Variants in BICRA observed in about 807,000 individuals in gnomAD.
The protein encoded by BICRA is BRD4 interacting chromatin remodeling complex associated protein, also known as BRD4-interacting chromatin-remodeling complex-associated protein.
BICRA carries 31 observed loss-of-function variants against 96.9 expected under a neutral mutation model. That is an observed-to-expected ratio of 0.32 (90% CI 0.24 to 0.43). BICRA has a LOEUF of 0.43. Among genes scored for constraint, BICRA ranks in the 20% least tolerant of loss-of-function variants. The probability of loss-of-function intolerance (pLI) is 1.00; values close to 1 mark genes in which losing one functional copy is unlikely to be tolerated. For synonymous variants in BICRA, 1,350 were observed against 1,071.8 expected (o/e 1.26, Z -5.07); for missense variants, 2,283 against 2,190.3 (o/e 1.04, Z -0.84).
Position 47,680,985 on chromosome 19 carries a change from G to A in BICRA, c.1815G>A (p.Pro605=). The A allele has an allele frequency of 3.4e-6, 5 of 1,463,842 alleles. No homozygotes were observed. Among genetic ancestry groups the A allele is most frequent in the South Asian group, 1.3e-5 (1 of 75,652 alleles). 90.7% of individuals were successfully genotyped at this position (1,463,842 alleles called of 1,614,324 possible). A position where few individuals can be genotyped will look rare whatever the true frequency, so the allele number is the denominator to read the frequency against. ...MLNTPDGLVQ[P]ATPAAATGEA... ...ACACCCCCGACGGCCTGGTGCAGCC[G>A]GCCACCCCTGCCGCTGCCACCGGGG... Residue 605 remains proline, a synonymous_variant, in exon 6 of 15, where the codon CCG becomes CCA. Coordinates refer to ENST00000594866, the MANE Select transcript of BICRA (RefSeq NM_001394372.1).
intron 1 of BICRA, among the ~76,000 whole-genome samples, chr19:47,647,184 C>A (rs886238352): frequency 6.6e-6 from 1 of 152,070 alleles, no homozygotes; most frequent in Non-Finnish European, 1.5e-5. Flanking sequence ...TTTATCCGTT[C>A]AGTTGGTGGA....
Position 47,698,143 on chromosome 19 carries a change from C to T in BICRA, c.3249-491C>T, listed in dbSNP as rs1311536289. Among the ~76,000 whole-genome samples, 1 of 152,148 alleles carries T rather than the reference C, an allele frequency of 6.6e-6. No homozygotes were observed. The highest frequency in any genetic ancestry group is 1.5e-5 in the Non-Finnish European group (1 of 68,028). ...TTAGCCGAGGGTGGAGTTGGGCCTG[C>T]CTGGTGGGGGAGACAGTCACACTGC... On this transcript the variant is annotated intron_variant, in intron 11 of 14. Coordinates refer to ENST00000594866, the MANE Select transcript of BICRA (RefSeq NM_001394372.1). This position sits in a 1 kb window ranked among gnomAD's most constrained non-coding sequence, Gnocchi z 4.8.
At chr19:47,615,306 T>C (rs1244470284) in intron 1 of BICRA, among the ~76,000 whole-genome samples, 1 of 152,146 alleles carries the variant, frequency 6.6e-6, no homozygotes, top group African/African-American at 2.4e-5. Context: ...TTGAAGAAAG[T>C]TGTTCTCTTT....
At chr19:47,615,882 C>G (rs912871393) in intron 1 of BICRA, 1 of 152,220 alleles carries the variant, frequency 6.6e-6, no homozygotes, top group Admixed American at 6.5e-5. Flanking sequence ...CTGAACGAAG[C>G]AATGTTCTGC....
chr19:47,609,715 C>T (rs1471374371), intron 1 of BICRA, among the ~76,000 whole-genome samples: 1 of 151,886 alleles, frequency 6.6e-6, no homozygotes, highest in Admixed American at 6.6e-5. Flanking sequence ...AGGCGGAGAG[C>T]CTGCATCTCC....
At chr19:47,670,975 TC>T (rs1568565219) in intron 2 of BICRA, among the ~76,000 whole-genome samples, 1 of 151,866 alleles carries the variant, frequency 6.6e-6, no homozygotes, top group Non-Finnish European at 1.5e-5. Context: ...CCGGGGACAC[TC>T]CCCACAGCCA....
chr19:47,702,464 A>C lies in BICRA; in HGVS notation c.*49A>C, dbSNP rs1406926118. On this transcript the variant is annotated 3_prime_UTR_variant, in exon 15 of 15. Transcript: ENST00000594866. Reference sequence around the variant, plus strand: ...GTCCCCTCCTCCCGAAGACGCCGGGACAGTCGGGTGTCCGCCCTCAGCCTC... The same window carrying C: ...GTCCCCTCCTCCCGAAGACGCCGGGCCAGTCGGGTGTCCGCCCTCAGCCTC... 1 of 1,426,048 alleles carries C rather than the reference A, an allele frequency of 7.0e-7. No individual in the cohort carries two copies. Among genetic ancestry groups the C allele is most frequent in the Admixed American group, 3.4e-5 (1 of 29,602 alleles). The allele number at this position is 1,426,048 out of a possible 1,614,324, so 88.3% of individuals were successfully genotyped here. A position where few individuals can be genotyped will look rare whatever the true frequency, so the allele number is the denominator to read the frequency against.
intron 1 of BICRA, among the ~76,000 whole-genome samples, chr19:47,668,095 T>C (rs1599836512): frequency 6.6e-6 from 1 of 152,132 alleles, no homozygotes; most frequent in African/African-American, 2.4e-5. Context: ...CTGGGCGTGG[T>C]GGTGCATGCC....
intron 1 of BICRA, among the ~76,000 whole-genome samples, chr19:47,622,463 G>A (rs1185935417): frequency 6.7e-6 from 1 of 149,988 alleles, no homozygotes; most frequent in East Asian, 2.1e-4. Flanking sequence ...GGTGGCTCAC[G>A]CCTGTAATCC....
Position 47,684,031 on chromosome 19 carries a change from C to T in BICRA, c.2283+1879C>T, listed in dbSNP as rs141595490. On this transcript the variant is annotated intron_variant, in intron 7 of 14. Coordinates refer to ENST00000594866, the MANE Select transcript of BICRA (RefSeq NM_001394372.1). ...TCGAACGGCCATGGTTTCACTTGCA[C>T]GCTCTCCCACTTACCATTTAACCTT... is the stretch of plus-strand genomic sequence containing the variant. Among the ~76,000 whole-genome samples the T allele has an allele frequency of 4.8e-4, 73 of 152,324 alleles. No individual in the cohort carries two copies. In the South Asian group the frequency reaches 7.5e-3, roughly 16 times the overall value.
Position 47,680,139 on chromosome 19 carries a change from G to T in BICRA, c.969G>T (p.Gln323His), listed in dbSNP as rs1353169855. 1 of 1,524,354 alleles carries T rather than the reference G, an allele frequency of 6.6e-7. No homozygotes were observed. The highest frequency in any genetic ancestry group is 2.1e-5 in the Admixed American group (1 of 47,622). 94.4% of individuals were successfully genotyped at this position (1,524,354 alleles called of 1,614,324 possible). The part of the protein sequence containing the change: ...ASAPTGTPSG[Q>H]PLAVAPGLGS... Reference sequence around the variant, plus strand: ...CTCCCACCGGGACGCCCTCGGGACAGCCGCTGGCGGTGGCCCCAGGCCTCG... The same window carrying T: ...CTCCCACCGGGACGCCCTCGGGACATCCGCTGGCGGTGGCCCCAGGCCTCG... Residue 323 changes from glutamine to histidine, a missense_variant, in exon 6 of 15, where the codon CAG (glutamine) becomes CAT (histidine). Coordinates refer to ENST00000594866, the MANE Select transcript of BICRA (RefSeq NM_001394372.1).
intron 4 of BICRA, among the ~76,000 whole-genome samples, chr19:47,674,224 A>G (rs1972908318): frequency 6.7e-6 from 1 of 149,892 alleles, no homozygotes; most frequent in Admixed American, 6.7e-5. Flanking sequence ...AGAGCTTGGC[A>G]TGGTTGAGGA....
In BICRA at chr19:47,680,565, G is replaced by A; in HGVS notation, c.1395G>A (p.Met465Ile). The change falls in exon 6 of 15, where the codon ATG becomes ATA. Residue 465 changes from methionine to isoleucine, a missense_variant. Physicochemically the swap from Met to Ile is conservative, Grantham distance 10. Transcript: ENST00000594866. ...GSSIVIPAQH[M>I]LPGQNQFLLP... is the part of the protein sequence containing the mutation. ...GCATCGTCATCCCCGCCCAGCACAT[G>A]CTGCCGGGCCAGAACCAGTTCCTAC... 1.9e-6 allele frequency: 3 copies of A among 1,597,546 alleles called. No homozygotes were observed. The highest frequency in any genetic ancestry group is 1.7e-5 in the Admixed American group (1 of 57,852).
In BICRA at chr19:47,695,352, C is replaced by CCCCCCCCCCCCCG; in HGVS notation, c.3077-13_3077-12insCCCCCCCCCCCCG. On this transcript the variant is annotated splice_polypyrimidine_tract_variant and intron_variant, in intron 9 of 14. Transcript: ENST00000594866. The stretch of plus-strand genomic sequence containing the variant: ...ACCGCAGGCCCTGTCTCCCCCACCC[C>CCCCCCCCCCCCCG]ACCCACCCCCAGGCCTCCCTCCTCT... The CCCCCCCCCCCCCG allele has an allele frequency of 1.5e-6, 1 of 686,678 alleles. No individual in the cohort carries two copies. Among genetic ancestry groups the CCCCCCCCCCCCCG allele is most frequent in the Non-Finnish European group, 2.5e-6 (1 of 393,224 alleles). The allele number at this position is 686,678 out of a possible 1,614,324, so 42.5% of individuals were successfully genotyped here.
At chr19:47,645,334 C>T (rs1036246129) in intron 1 of BICRA, among the ~76,000 whole-genome samples, 1 of 152,146 alleles carries the variant, frequency 6.6e-6, no homozygotes, top group Non-Finnish European at 1.5e-5. Flanking sequence ...CAGTGAGATC[C>T]AGGCTACGCA....
chr19:47,684,373 T>G (rs1171403019), intron 7 of BICRA, among the ~76,000 whole-genome samples: 1 of 152,034 alleles, frequency 6.6e-6, no homozygotes, highest in Non-Finnish European at 1.5e-5. Context: ...GTAGAGATAG[T>G]GTATCACCAT....
chr19:47,669,446 C>T (rs764357109), intron 1 of BICRA, among the ~76,000 whole-genome samples: 12 of 152,054 alleles, frequency 7.9e-5, no homozygotes, highest in Non-Finnish European at 1.6e-4. Context: ...TCTAGAACCT[C>T]ACTACTGCAA....
Position 47,698,801 on chromosome 19 carries a change from A to G in BICRA, c.3397+19A>G. The G allele has an allele frequency of 1.3e-6, 2 of 1,578,948 alleles. No individual in the cohort carries two copies. The highest frequency in any genetic ancestry group is 1.7e-6 in the Non-Finnish European group (2 of 1,159,960). On this transcript the variant is annotated intron_variant, in intron 12 of 14. Transcript: ENST00000594866. This position sits in a 1 kb window ranked among gnomAD's most constrained non-coding sequence, Gnocchi z 4.8. The stretch of plus-strand genomic sequence containing the variant: ...CACAAAGGTGAGGCCTCCCCAGGAC[A>G]CGGCCCTATATGTCCCAGGGGACCC...
intron 7 of BICRA, among the ~76,000 whole-genome samples, chr19:47,693,396 G>A (rs563983634): frequency 5.3e-5 from 8 of 152,340 alleles, no homozygotes; most frequent in Admixed American, 1.3e-4. Context: ...AGCTCACGTG[G>A]CGCCCAGGTA....
Sources: gnomAD v4.1 joint callset for allele counts (sites outside exome capture counted in the v4.1 genomes callset) on GRCh38, gnomAD v4.1.1 for gene constraint, Gnocchi (gnomAD v3.1) non-coding constraint, MANE v1.5 for transcripts, NCBI Gene and HGNC (gene_info 2026-07-23, HGNC 2026-07-21) for gene names.